KCNT2: variants seen among roughly 807,000 people sequenced by gnomAD.
KCNT2 encodes potassium channel subfamily T member 2.
KCNT2 carries 67 observed loss-of-function variants against 153.8 expected under a neutral mutation model. The observed-to-expected ratio is 0.44, with a 90% CI of 0.36 to 0.53. KCNT2 has a LOEUF of 0.53. Among genes scored for constraint, KCNT2 ranks in the 20% least tolerant of loss-of-function variants. KCNT2 has a pLI of 0.00. For missense variants in KCNT2, 975 were observed against 1,354.8 expected (o/e 0.72, Z 4.40); for synonymous variants, 500 against 458.8 (o/e 1.09, Z -1.15).
intron 1 of KCNT2, among the ~76,000 whole-genome samples, chr1:196,564,375 T>C (rs1659819701): frequency 6.6e-6 from 1 of 151,768 alleles, no homozygotes; most frequent in Non-Finnish European, 1.5e-5. Flanking sequence ...AGAAAAATAT[T>C]GCATGTTCAT....
At chr1:196,441,585 T>C (rs1320933313) in intron 8 of KCNT2, among the ~76,000 whole-genome samples, 1 of 151,546 alleles carries the variant, frequency 6.6e-6, no homozygotes, top group African/African-American at 2.4e-5. Context: ...TCCTATAGAA[T>C]ATACTTCTTT....
chr1:196,348,283 A>T (rs1221522509), intron 14 of KCNT2, among the ~76,000 whole-genome samples: 1 of 152,100 alleles, frequency 6.6e-6, no homozygotes, highest in Non-Finnish European at 1.5e-5. Context: ...TAGTGTTGTA[A>T]TTAGATAAAA....
intron 1 of KCNT2, among the ~76,000 whole-genome samples, chr1:196,516,099 C>A (rs1682028433): frequency 6.6e-6 from 1 of 152,194 alleles, no homozygotes; most frequent in South Asian, 2.1e-4. Flanking sequence ...GGGAAAGGAG[C>A]TAAATCCAGG....
chr1:196,379,641 T>C (rs1379834229), intron 13 of KCNT2, among the ~76,000 whole-genome samples: 4 of 151,698 alleles, frequency 2.6e-5, no homozygotes, highest in Non-Finnish European at 5.9e-5. Context: ...AAATACAAGA[T>C]ATATGTACAT....
intron 14 of KCNT2, among the ~76,000 whole-genome samples, chr1:196,344,140 C>T (rs1336655053): frequency 1.3e-5 from 2 of 152,112 alleles, no homozygotes; most frequent in Non-Finnish European, 2.9e-5. Flanking sequence ...TCTTCAGTGA[C>T]AAACAGTATC....
chr1:196,470,788 C>T (rs1261332870), intron 5 of KCNT2, among the ~76,000 whole-genome samples: 3 of 151,980 alleles, frequency 2.0e-5, no homozygotes, highest in African/African-American at 7.2e-5. Flanking sequence ...ATTCCCTGTG[C>T]CATGTAGGTC....
chr1:196,413,501 A>T (rs185459634), intron 12 of KCNT2, among the ~76,000 whole-genome samples: 4 of 151,878 alleles, frequency 2.6e-5, no homozygotes, highest in Non-Finnish European at 4.4e-5. Context: ...ATCCTAAAAA[A>T]TTGCAAGATT....
intron 14 of KCNT2, among the ~76,000 whole-genome samples, chr1:196,371,220 CAAA>C (rs952744388): frequency 1.8e-4 from 4 of 21,942 alleles, no homozygotes; most frequent in Non-Finnish European, 3.6e-4. Flanking sequence ...CCCGTCACTA[CAAA>C]AAAAAAAAAA....
At chr1:196,538,533 A>G (rs935379950) in intron 1 of KCNT2, among the ~76,000 whole-genome samples, 1 of 152,200 alleles carries the variant, frequency 6.6e-6, no homozygotes, top group Non-Finnish European at 1.5e-5. Context: ...CAGCATTAGC[A>G]GTGTAATTAT....
At chr1:196,267,187 C>T (rs1349345665) in intron 25 of KCNT2, among the ~76,000 whole-genome samples, 1 of 152,184 alleles carries the variant, frequency 6.6e-6, no homozygotes, top group Admixed American at 6.6e-5. Flanking sequence ...TACATTGATG[C>T]CATGCTCTTC....
At chr1:196,504,526 A>G (rs1414403377) in intron 1 of KCNT2, among the ~76,000 whole-genome samples, 3 of 152,046 alleles carry the variant, frequency 2.0e-5, no homozygotes, top group Non-Finnish European at 2.9e-5. Flanking sequence ...GCTATTGTGA[A>G]TAGTGCTGCA....
At chr1:196,269,121 G>T (rs1558084482) in intron 25 of KCNT2, among the ~76,000 whole-genome samples, 1 of 152,130 alleles carries the variant, frequency 6.6e-6, no homozygotes, top group Non-Finnish European at 1.5e-5. Flanking sequence ...ATTAATGACA[G>T]AAGTGGTACA....
At chr1:196,524,687 C>A in intron 1 of KCNT2, among the ~76,000 whole-genome samples, 1 of 152,108 alleles carries the variant, frequency 6.6e-6, no homozygotes, top group Non-Finnish European at 1.5e-5. Context: ...TCTTCATTTT[C>A]CTATATCCCG....
At chr1:196,509,917 A>T (rs1250503003) in intron 1 of KCNT2, among the ~76,000 whole-genome samples, 1 of 152,196 alleles carries the variant, frequency 6.6e-6, no homozygotes, top group African/African-American at 2.4e-5. Flanking sequence ...TATCTTGAGA[A>T]GAAATGTCCA....
intron 12 of KCNT2, among the ~76,000 whole-genome samples, chr1:196,400,124 T>A (rs1671286276): frequency 6.6e-6 from 1 of 151,812 alleles, no homozygotes; most frequent in Non-Finnish European, 1.5e-5. Context: ...AATATCAGAA[T>A]GAGCCCAATA....
chr1:196,556,652 A>T (rs1048799925), intron 1 of KCNT2, among the ~76,000 whole-genome samples: 1 of 151,442 alleles, frequency 6.6e-6, no homozygotes, highest in African/African-American at 2.4e-5. Flanking sequence ...AAGAAAGGGA[A>T]TCAGTATATT....
intron 8 of KCNT2, among the ~76,000 whole-genome samples, chr1:196,441,945 A>G (rs1006731702): frequency 1.3e-4 from 19 of 151,842 alleles, no homozygotes; most frequent in African/African-American, 4.6e-4. Flanking sequence ...ATAAAGAGAC[A>G]AAACAATGGA....
intron 7 of KCNT2, among the ~76,000 whole-genome samples, chr1:196,466,103 A>T (rs1677591548): frequency 6.6e-6 from 1 of 152,086 alleles, no homozygotes; most frequent in African/African-American, 2.4e-5. Context: ...TATGGAAATA[A>T]AATGGAAAAT....
At chr1:196,351,761 C>G (rs1160996006) in intron 14 of KCNT2, among the ~76,000 whole-genome samples, 1 of 152,098 alleles carries the variant, frequency 6.6e-6, no homozygotes, top group Non-Finnish European at 1.5e-5. Flanking sequence ...AATGGTGAGA[C>G]AGGGCATCCC....
Sources: gnomAD v4.1 joint callset for allele counts (sites outside exome capture counted in the v4.1 genomes callset) on GRCh38, gnomAD v4.1.1 for gene constraint, MANE v1.5 for transcripts, NCBI Gene and HGNC (gene_info 2026-07-23, HGNC 2026-07-21) for gene names.